WNT5B: variants seen among roughly 807,000 people sequenced by gnomAD.
WNT5B encodes protein Wnt-5b.
In WNT5B, 18 loss-of-function variants were observed where a neutral mutation model predicts 36.5. That is an observed-to-expected ratio of 0.49 (90% CI 0.34 to 0.73). The LOEUF is 0.73. Ranked by LOEUF, WNT5B falls within the 30% of genes least tolerant of loss-of-function variation. The pLI is 0.01. For missense variants in WNT5B, 424 were observed against 508.4 expected (o/e 0.83, Z 1.60); for synonymous variants, 213 against 212.3 (o/e 1.00, Z -0.03).
Position 1,639,748 on chromosome 12 carries a change from G to GGCCT in WNT5B, c.397_400dup (p.Arg134LeufsTer79). On this transcript the variant is annotated frameshift_variant, in exon 4 of 5. Coordinates refer to ENST00000397196, the MANE Select transcript of WNT5B (RefSeq NM_032642.3). LOFTEE classifies it high-confidence loss of function. ...CGGGCGTGGTCAACGCCATCAGCCG[G>GGCCT]GCCTGCCGCGAGGGCGAGCTCTCCA... is the stretch of plus-strand genomic sequence containing the variant. 6.2e-7 allele frequency: 1 copy of GGCCT among 1,604,034 alleles called. No individual in the cohort carries two copies.
At chr12:1,622,104 CTTCTT>C (rs2094534482) in intron 1 of WNT5B, among the ~76,000 whole-genome samples, 1 of 138,150 alleles carries the variant, frequency 7.2e-6, no homozygotes. Flanking sequence ...TCTTCTGACA[CTTCTT>C]TTTTTTTTTT....
intron 3 of WNT5B, among the ~76,000 whole-genome samples, chr12:1,634,023 T>C (rs1012818084): frequency 5.3e-5 from 8 of 152,008 alleles, no homozygotes; most frequent in African/African-American, 1.9e-4. Context: ...CTGGGTAACA[T>C]AGTGAGACCT....
At position 1,646,130 on chromosome 12, in the gene WNT5B, G is replaced by A. The variant is rs765125177; in HGVS notation, c.958G>A (p.Gly320Arg). Residue 320 changes from glycine (G) to arginine (R), a missense_variant, in exon 5 of 5, where the codon GGG becomes AGG. Coordinates refer to ENST00000397196, the MANE Select transcript of WNT5B (RefSeq NM_032642.3). Reference protein sequence around the residue: ...GMDGCELMCCGRGYNQFKSVQ... With the variant: ...GMDGCELMCCRRGYNQFKSVQ... ...GGATGGCTGTGAGCTCATGTGCTGC[G>A]GGCGTGGCTACAACCAGTTCAAGAG... The A allele has an allele frequency of 5.0e-6, 8 of 1,613,848 alleles. No homozygotes were observed. Among genetic ancestry groups the A allele is most frequent in the South Asian group, 2.2e-5 (2 of 91,092 alleles).
rs2094547653 is a variant in WNT5B, at chr12:1,630,183, A to C, written c.-58+812A>C. The C allele has an allele frequency of 2.0e-6, 2 of 984,864 alleles. No individual in the cohort carries two copies. Among genetic ancestry groups the C allele is most frequent in the Admixed American group, 6.2e-5 (1 of 16,248 alleles). 61.0% of individuals were successfully genotyped at this position (984,864 alleles called of 1,614,324 possible). On this transcript the variant is annotated intron_variant, in intron 1 of 4. Coordinates refer to ENST00000397196, the MANE Select transcript of WNT5B (RefSeq NM_032642.3). This position sits in a 1 kb window ranked among gnomAD's most constrained non-coding sequence, Gnocchi z 5.3. Reference sequence around the variant, plus strand: ...GGGAGCCTGGGGACGCCGACGCGCGAGAGTGGCGCAGTGAGCCGGGGCGCG... The same window carrying C: ...GGGAGCCTGGGGACGCCGACGCGCGCGAGTGGCGCAGTGAGCCGGGGCGCG...
At chr12:1,631,125 C>G (rs946048070) in intron 1 of WNT5B, 173 bp from the exon 2 acceptor site, 19 of 488,552 alleles carry the variant, frequency 3.9e-5, no homozygotes, top group African/African-American at 3.7e-4. Context: ...AGACAGAAGT[C>G]CTAGGGTGGG....
At position 1,632,954 on chromosome 12, in the gene WNT5B, G is replaced by A. The variant is rs776419762; in HGVS notation, c.328+49G>A. On this transcript the variant is annotated intron_variant, in intron 3 of 4. Transcript: ENST00000397196. This position sits in a 1 kb window ranked among gnomAD's most constrained non-coding sequence, Gnocchi z 5.8. ...TCGGCCAAGGAACTGCACTCGTCTC[G>A]TTTGGGAGCAATTAAGCTCTCTCAG... The A allele has an allele frequency of 1.7e-5, 27 of 1,558,036 alleles. No homozygotes were observed. The highest frequency in any genetic ancestry group is 1.9e-4 in the Middle Eastern group (1 of 5,338).
chr12:1,639,579 G>A, intron 3 of WNT5B, 105 bp from the exon 4 acceptor site: 4 of 1,297,484 alleles, frequency 3.1e-6, no homozygotes, highest in Non-Finnish European at 4.0e-6. Flanking sequence ...CCCCAGGGGT[G>A]TCAGCAGAGC....
At chr12:1,620,688 G>A (rs1372873587) in intron 1 of WNT5B, among the ~76,000 whole-genome samples, 6 of 146,166 alleles carry the variant, frequency 4.1e-5, no homozygotes, top group Admixed American at 3.4e-4. Flanking sequence ...ACAGGCACCC[G>A]CCACCACACC....
upstream of WNT5B, among the ~76,000 whole-genome samples, chr12:1,627,565 A>G (rs1409616690): frequency 6.6e-6 from 1 of 152,162 alleles, no homozygotes; most frequent in Non-Finnish European, 1.5e-5. This position sits in a 1 kb window ranked among gnomAD's most constrained non-coding sequence, Gnocchi z 5.0. Context: ...CTGGATGGAC[A>G]TGGCCCCTTA....
At chr12:1,641,553 A>G (rs189167578) in intron 4 of WNT5B, among the ~76,000 whole-genome samples, 173 of 152,248 alleles carry the variant, frequency 1.1e-3, no homozygotes, top group African/African-American at 3.9e-3. Flanking sequence ...CTGTAATCCC[A>G]ACACTTTGGG....
Position 1,630,152 on chromosome 12 carries a change from C to G in WNT5B, c.-58+781C>G. 1.0e-6 allele frequency: 1 copy of G among 985,586 alleles called. No homozygotes were observed. The highest frequency in any genetic ancestry group is 1.2e-6 in the Non-Finnish European group (1 of 830,086). 61.1% of individuals were successfully genotyped at this position (985,586 alleles called of 1,614,324 possible). The stretch of plus-strand genomic sequence containing the variant: ...GATGACCCGAAGCACCCGCCGCCCC[C>G]TCCCGGGGAGCCTGGGGACGCCGAC... On this transcript the variant is annotated intron_variant, in intron 1 of 4. Coordinates refer to ENST00000397196, the MANE Select transcript of WNT5B (RefSeq NM_032642.3). This position sits in a 1 kb window ranked among gnomAD's most constrained non-coding sequence, Gnocchi z 5.3.
In WNT5B at chr12:1,618,131, C is replaced by T. The variant is rs376970499; in HGVS notation, c.-58+988C>T. Among the ~76,000 whole-genome samples, 23 of 152,196 alleles carry T rather than the reference C, an allele frequency of 1.5e-4. No individual in the cohort carries two copies. In the East Asian group the frequency reaches 1.5e-3, roughly 10 times the overall value. ...TACTCCAGCCTGGGTGACAGTGAGACGATGTCTCCAAAAAAGAAAAGACAG... is the reference window on the plus strand; with the variant it reads ...TACTCCAGCCTGGGTGACAGTGAGATGATGTCTCCAAAAAAGAAAAGACAG... On this transcript the variant is annotated intron_variant, in intron 1 of 4. Transcript: ENST00000310594. This position sits in a 1 kb window ranked among gnomAD's most constrained non-coding sequence, Gnocchi z 4.1.
chr12:1,624,423 T>C, upstream of WNT5B, among the ~76,000 whole-genome samples: 1 of 150,170 alleles, frequency 6.7e-6, no homozygotes, highest in Non-Finnish European at 1.5e-5. Context: ...GAAGGTGTTA[T>C]GCTCTAGTGA....
Position 1,632,577 on chromosome 12 carries a change from T to C in WNT5B, c.81-81T>C. ...CACAGGGACGCATTCAATAAATGTG[T>C]TGAATGAATGACTTAATGCTGCACA... On this transcript the variant is annotated intron_variant, in intron 2 of 4. Coordinates refer to ENST00000397196, the MANE Select transcript of WNT5B (RefSeq NM_032642.3). This position sits in a 1 kb window ranked among gnomAD's most constrained non-coding sequence, Gnocchi z 5.8. 6.6e-7 allele frequency: 1 copy of C among 1,511,094 alleles called. No homozygotes were observed. The highest frequency in any genetic ancestry group is 1.3e-5 in the South Asian group (1 of 76,180). The allele number at this position is 1,511,094 out of a possible 1,614,324, so 93.6% of individuals were successfully genotyped here. A position where few individuals can be genotyped will look rare whatever the true frequency, so the allele number is the denominator to read the frequency against.
chr12:1,639,685 C>A lies in WNT5B; in HGVS notation c.330C>A (p.Gly110=). The A allele has an allele frequency of 1.9e-6, 3 of 1,549,378 alleles. No homozygotes were observed. The highest frequency in any genetic ancestry group is 4.0e-5 in the Admixed American group (2 of 50,334). ...TACCGCCCTGGCCTCATTCTGCAGG[C>A]AGCCGAGAGACCGCCTTCACCCACG... ...ASVFGRVMQI[G]SRETAFTHAV... Residue 110 remains glycine (G), a splice_region_variant and synonymous_variant, in exon 4 of 5, where the codon GGC becomes GGA. Coordinates refer to ENST00000397196, the MANE Select transcript of WNT5B (RefSeq NM_032642.3).
intron 1 of WNT5B, chr12:1,617,281 G>A (rs1027602117): frequency 6.7e-6 from 1 of 148,324 alleles, no homozygotes; most frequent in Admixed American, 6.8e-5. Context: ...TATGCATTTA[G>A]TACAATGATT....
At chr12:1,620,373 T>G (rs1479631177) in intron 1 of WNT5B, among the ~76,000 whole-genome samples, 1 of 152,254 alleles carries the variant, frequency 6.6e-6, no homozygotes, top group Non-Finnish European at 1.5e-5. Flanking sequence ...CAATATTATG[T>G]TCAGAAGATC....
chr12:1,644,791 G>A lies in WNT5B; in HGVS notation c.622-1003G>A, dbSNP rs1411732407. 6.6e-6 allele frequency: 1 copy of A among 152,186 alleles called. No homozygotes were observed. Among genetic ancestry groups the A allele is most frequent in the Admixed American group, 6.5e-5 (1 of 15,280 alleles). The allele number at this position is 152,186 out of a possible 1,614,324, so 9.4% of individuals were successfully genotyped here. On this transcript the variant is annotated intron_variant, in intron 4 of 4. Coordinates refer to ENST00000397196, the MANE Select transcript of WNT5B (RefSeq NM_032642.3). This position sits in a 1 kb window ranked among gnomAD's most constrained non-coding sequence, Gnocchi z 5.1. ...GTAAGCAGCTTTCTGGTCTGCTCTT[G>A]CTTTTACATTTTGATTTGGGATAAC...
At chr12:1,641,183 G>T (rs2240508) in intron 4 of WNT5B, among the ~76,000 whole-genome samples, 4 of 151,870 alleles carry the variant, frequency 2.6e-5, no homozygotes, top group Non-Finnish European at 5.9e-5. Flanking sequence ...CCAGGAGTTC[G>T]AGACCAGCCT....
Sources: allele counts gnomAD v4.1 joint callset (sites outside exome capture counted in the v4.1 genomes callset), GRCh38; gene constraint gnomAD v4.1.1; non-coding constraint Gnocchi (gnomAD v3.1); transcripts MANE v1.5; gene names NCBI Gene and HGNC (gene_info 2026-07-23, HGNC 2026-07-21).